Variants in EDNRB observed in about 807,000 individuals in gnomAD.
EDNRB encodes the protein Hirschsprung disease 2.
Under a neutral mutation model 46.4 loss-of-function variants are expected in EDNRB, and 18 were observed. That is an observed-to-expected ratio of 0.39 (90% CI 0.27 to 0.57). EDNRB has a LOEUF of 0.57. Ranked by LOEUF, EDNRB falls within the 20% of genes least tolerant of loss-of-function variation. The pLI is 0.61. For synonymous variants in EDNRB, 213 were observed against 204.9 expected, an observed-to-expected ratio of 1.04 and a Z score of -0.34; for missense variants, 434 against 537.5, an observed-to-expected ratio of 0.81 and a Z score of 1.90.
At chr13:77,942,720 A>G (rs887749782) in intron 1 of EDNRB, among the ~76,000 whole-genome samples, 13 of 152,240 alleles carry the variant, frequency 8.5e-5, no homozygotes, top group African/African-American at 3.1e-4. Flanking sequence ...TAATTTTTCT[A>G]TTAATTAAAA....
chr13:77,918,336 A>T lies in EDNRB; in HGVS notation c.238T>A (p.Ser80Thr). ...EVPKGDRTAG[S>T]PPRTISPPPC... ...GGAGGGGAGATGGTGCGTGGCGGAG[A>T]TCCTGCCGTCCTGTCTCCTTTAGGC... The change falls in exon 1 of 7, where the codon TCT becomes ACT. Residue 80 changes from serine (S) to threonine (T), a missense_variant. Transcript: ENST00000646607. This position sits in a 1 kb window ranked among gnomAD's most constrained non-coding sequence, Gnocchi z 4.5. 1 of 1,613,850 alleles carries T rather than the reference A, an allele frequency of 6.2e-7. No homozygotes were observed. Among genetic ancestry groups the T allele is most frequent in the South Asian group, 1.1e-5 (1 of 91,046 alleles).
upstream of EDNRB, among the ~76,000 whole-genome samples, chr13:77,924,102 C>T (rs1880163883): frequency 6.6e-6 from 1 of 152,178 alleles, no homozygotes; most frequent in Non-Finnish European, 1.5e-5. Context: ...ATTTACTATA[C>T]ATTAGATGAA....
intron 1 of EDNRB, among the ~76,000 whole-genome samples, chr13:77,952,748 G>C (rs1344637602): frequency 6.6e-6 from 1 of 152,096 alleles, no homozygotes; most frequent in Non-Finnish European, 1.5e-5. Flanking sequence ...TGATGCCCTG[G>C]ACCTAAGATG....
At chr13:77,964,642 G>A (rs1881526909) in intron 1 of EDNRB, among the ~76,000 whole-genome samples, 1 of 152,184 alleles carries the variant, frequency 6.6e-6, no homozygotes, top group Non-Finnish European at 1.5e-5. Flanking sequence ...GTGCGGAGAA[G>A]AAGGAGGGAT....
chr13:77,942,300 C>G (rs112646274), intron 1 of EDNRB, among the ~76,000 whole-genome samples: 47 of 152,214 alleles, frequency 3.1e-4, no homozygotes, highest in African/African-American at 9.9e-4. Flanking sequence ...ACAAACAAGC[C>G]TTGTTTCTGG....
chr13:77,908,062 C>T (rs1879379704), intron 1 of EDNRB, among the ~76,000 whole-genome samples: 1 of 132,666 alleles, frequency 7.5e-6, no homozygotes, highest in Non-Finnish European at 1.6e-5. Context: ...AGAGCATTAA[C>T]CTTTATCAGC....
chr13:77,900,091 C>A, intron 5 of EDNRB, 124 bp from the exon 6 acceptor site: 1 of 780,456 alleles, frequency 1.3e-6, no homozygotes, highest in South Asian at 1.5e-5. Context: ...ATTTATCACT[C>A]GTCTTTGCTA....
intron 1 of EDNRB, among the ~76,000 whole-genome samples, chr13:77,943,544 A>T: frequency 6.6e-6 from 1 of 152,122 alleles, no homozygotes; most frequent in East Asian, 1.9e-4. Flanking sequence ...TTCGAAAGAT[A>T]TTCCCTAGTT....
chr13:77,896,744 C>CA lies in EDNRB; in HGVS notation c.*1455_*1456insT. 1 of 1,374,034 alleles carries CA rather than the reference C, an allele frequency of 7.3e-7. No homozygotes were observed. Among genetic ancestry groups the CA allele is most frequent in the Non-Finnish European group, 9.4e-7 (1 of 1,067,632 alleles). 85.1% of individuals were successfully genotyped at this position (1,374,034 alleles called of 1,614,324 possible). ...CGTTAGGCTAAGAATGGGAATCTGTCCCCATGGGTTTCCTCCAACCCCACC... is the reference window on the plus strand; with the variant it reads ...CGTTAGGCTAAGAATGGGAATCTGTCACCCATGGGTTTCCTCCAACCCCACC... On this transcript the variant is annotated 3_prime_UTR_variant, in exon 7 of 7. Transcript: ENST00000646607.
chr13:77,965,347 A>C (rs1404370275), intron 1 of EDNRB, among the ~76,000 whole-genome samples: 1 of 152,188 alleles, frequency 6.6e-6, no homozygotes, highest in Admixed American at 6.6e-5. Flanking sequence ...AACTATTTTC[A>C]TGCTTCATTT....
At chr13:77,943,406 C>G (rs1243857301) in intron 1 of EDNRB, among the ~76,000 whole-genome samples, 1 of 151,972 alleles carries the variant, frequency 6.6e-6, no homozygotes, top group African/African-American at 2.4e-5. Context: ...CTTTATAATC[C>G]TTAGAACTTA....
chr13:77,970,630 T>C (rs1242092837), intron 1 of EDNRB, among the ~76,000 whole-genome samples: 2 of 152,142 alleles, frequency 1.3e-5, no homozygotes, highest in Non-Finnish European at 2.9e-5. Context: ...ACTTGTGTTG[T>C]TTATGAGCCC....
intron 1 of EDNRB, among the ~76,000 whole-genome samples, chr13:77,961,235 T>G (rs973276871): frequency 2.0e-5 from 3 of 152,020 alleles, no homozygotes; most frequent in Non-Finnish European, 4.4e-5. Context: ...ATCAAGAGAA[T>G]ATACTCTCTT....
At chr13:77,935,309 A>G (rs1488730006) in intron 1 of EDNRB, among the ~76,000 whole-genome samples, 1 of 152,202 alleles carries the variant, frequency 6.6e-6, no homozygotes, top group Non-Finnish European at 1.5e-5. Flanking sequence ...CCAACTGCAC[A>G]GCCCTGCACT....
At chr13:77,963,515 G>A (rs778999890) in intron 1 of EDNRB, among the ~76,000 whole-genome samples, 4 of 152,122 alleles carry the variant, frequency 2.6e-5, no homozygotes, top group Non-Finnish European at 5.9e-5. Context: ...AACAAGCAAT[G>A]GGGAAAGGAT....
intron 1 of EDNRB, among the ~76,000 whole-genome samples, chr13:77,938,774 A>G (rs1172833381): frequency 6.6e-6 from 1 of 152,130 alleles, no homozygotes; most frequent in East Asian, 1.9e-4. Context: ...TTGAAAGGAG[A>G]AAGTGGTTGA....
intron 1 of EDNRB, among the ~76,000 whole-genome samples, chr13:77,951,628 T>C (rs1296994381): frequency 1.3e-5 from 2 of 152,186 alleles, no homozygotes; most frequent in South Asian, 2.1e-4. Flanking sequence ...GGCTGATGAA[T>C]ACGAACAGCA....
chr13:77,958,813 G>A (rs1023954727), intron 1 of EDNRB, among the ~76,000 whole-genome samples: 5 of 152,166 alleles, frequency 3.3e-5, no homozygotes, highest in African/African-American at 1.2e-4. Flanking sequence ...AGAAATTAAT[G>A]TAAATGTGAA....
intron 1 of EDNRB, among the ~76,000 whole-genome samples, chr13:77,972,537 C>A (rs1440879857): frequency 6.6e-6 from 1 of 152,118 alleles, no homozygotes; most frequent in Admixed American, 6.5e-5. Context: ...GGGCAAGACT[C>A]CTGGTTGGCA....
Sources: allele counts gnomAD v4.1 joint callset (sites outside exome capture counted in the v4.1 genomes callset), GRCh38; gene constraint gnomAD v4.1.1; non-coding constraint Gnocchi (gnomAD v3.1); transcripts MANE v1.5; gene names NCBI Gene and HGNC (gene_info 2026-07-23, HGNC 2026-07-21).